METTL25: variants seen among roughly 807,000 people sequenced by gnomAD.
The protein encoded by METTL25 is methyltransferase like 25.
In METTL25, 64 loss-of-function variants were observed where a neutral mutation model predicts 71.6. The ratio of observed to expected loss-of-function variants is 0.89; its 90% CI spans 0.73 to 1.10. METTL25 has a LOEUF of 1.10. METTL25 is among the 50% of genes least tolerant of loss of function. The pLI is 0.00. For missense variants in METTL25, 807 were observed against 707.0 expected (o/e 1.14, Z -1.60); for synonymous variants, 287 against 250.3 (o/e 1.15, Z -1.38).
intron 11 of METTL25, 31 bp from the exon 12 acceptor site, chr12:82,478,900 GT>G (rs774073189): frequency 1.9e-6 from 3 of 1,549,632 alleles, no homozygotes; most frequent in Non-Finnish European, 2.7e-6. Flanking sequence ...TCAACAAATG[GT>G]TGTATATCTA....
At chr12:82,371,449 G>T (rs1250003474) in intron 1 of METTL25, among the ~76,000 whole-genome samples, 1 of 152,138 alleles carries the variant, frequency 6.6e-6, no homozygotes, top group African/African-American at 2.4e-5. Flanking sequence ...AAATGTCCTT[G>T]TAAACCACAC....
intron 8 of METTL25, among the ~76,000 whole-genome samples, chr12:82,444,743 T>C (rs1232278689): frequency 6.6e-6 from 1 of 151,728 alleles, no homozygotes; most frequent in Non-Finnish European, 1.5e-5. Flanking sequence ...TGAAAGTAAA[T>C]TGACAAAATT....
intron 1 of METTL25, among the ~76,000 whole-genome samples, chr12:82,362,424 G>T (rs760031142): frequency 2.0e-5 from 3 of 152,118 alleles, no homozygotes; most frequent in Non-Finnish European, 4.4e-5. Flanking sequence ...CTGCCTGATG[G>T]GATACTGTGA....
At chr12:82,367,562 A>G (rs1394950488) in intron 1 of METTL25, among the ~76,000 whole-genome samples, 2 of 152,170 alleles carry the variant, frequency 1.3e-5, no homozygotes, top group Admixed American at 6.5e-5. Flanking sequence ...CCCATAGAAA[A>G]TAGTTCAGTG....
intron 1 of METTL25, among the ~76,000 whole-genome samples, chr12:82,364,176 A>C (rs28626834): frequency 4.6e-5 from 7 of 152,300 alleles, no homozygotes; most frequent in East Asian, 1.9e-4. Flanking sequence ...TGGGATCTTA[A>C]GAGGTCACAG....
At chr12:82,384,023 TG>T (rs542454707) in intron 1 of METTL25, among the ~76,000 whole-genome samples, 367 of 152,200 alleles carry the variant, frequency 2.4e-3, no homozygotes, top group Middle Eastern at 6.8e-3. Context: ...ACTAGTGGTA[TG>T]GGGTACATAA....
intron 1 of METTL25, among the ~76,000 whole-genome samples, chr12:82,366,172 G>T (rs1055160719): frequency 6.6e-6 from 1 of 152,166 alleles, no homozygotes; most frequent in Non-Finnish European, 1.5e-5. Flanking sequence ...CCTAACAAAT[G>T]AGTGTTACAG....
intron 1 of METTL25, among the ~76,000 whole-genome samples, chr12:82,368,068 C>G (rs923412044): frequency 7.9e-5 from 12 of 151,894 alleles, no homozygotes; most frequent in Non-Finnish European, 1.5e-4. Flanking sequence ...TAAATAATAG[C>G]CACCTTCTTC....
At chr12:82,449,693 AT>A in intron 8 of METTL25, among the ~76,000 whole-genome samples, 1 of 152,244 alleles carries the variant, frequency 6.6e-6, no homozygotes, top group East Asian at 1.9e-4. Flanking sequence ...AATACAATTA[AT>A]TGTATTTCTA....
chr12:82,413,996 A>G (rs1282733087), intron 5 of METTL25, among the ~76,000 whole-genome samples: 1 of 151,350 alleles, frequency 6.6e-6, no homozygotes, highest in Non-Finnish European at 1.5e-5. Context: ...GTATATATAT[A>G]TATTTTTTCT....
chr12:82,382,782 G>A (rs906171650), intron 1 of METTL25, among the ~76,000 whole-genome samples: 2 of 151,814 alleles, frequency 1.3e-5, no homozygotes, highest in Admixed American at 6.6e-5. Context: ...GTGTCATGAT[G>A]AGGGTTCACT....
At chr12:82,367,050 A>G (rs2136826472) in intron 1 of METTL25, among the ~76,000 whole-genome samples, 1 of 152,216 alleles carries the variant, frequency 6.6e-6, no homozygotes, top group South Asian at 2.1e-4. Context: ...CCTTTTAAAT[A>G]AAACTATTTA....
At chr12:82,380,266 C>T (rs1884301809) in intron 1 of METTL25, among the ~76,000 whole-genome samples, 1 of 152,098 alleles carries the variant, frequency 6.6e-6, no homozygotes, top group East Asian at 1.9e-4. Context: ...ATAATGACCT[C>T]CAGCTCCATC....
At chr12:82,419,387 C>T (rs1327818058) in intron 5 of METTL25, among the ~76,000 whole-genome samples, 1 of 152,052 alleles carries the variant, frequency 6.6e-6, no homozygotes. Flanking sequence ...ACATCAGTTG[C>T]CTGCTTTTCA....
At chr12:82,472,861 G>A (rs921962055) in intron 9 of METTL25, among the ~76,000 whole-genome samples, 7 of 152,012 alleles carry the variant, frequency 4.6e-5, no homozygotes, top group African/African-American at 1.7e-4. Context: ...GTGTTCCTTC[G>A]GAGGTATCAT....
In METTL25 at chr12:82,438,722, C is replaced by T. The variant is rs1267059558; in HGVS notation, c.1409C>T (p.Pro470Leu). The T allele has an allele frequency of 1.4e-6, 2 of 1,472,998 alleles. No individual in the cohort carries two copies. Among genetic ancestry groups the T allele is most frequent in the Non-Finnish European group, 1.8e-6 (2 of 1,105,984 alleles). 91.2% of individuals were successfully genotyped at this position (1,472,998 alleles called of 1,614,324 possible). Reference protein sequence around the residue: ...LERVAAGQGLPTESLFYRAVL... With the variant: ...LERVAAGQGLLTESLFYRAVL... ...ATATGTCTACATTTTTTTCAGCTGC[C>T]TACTGAATCACTCTTCTATCGTGCT... Residue 470 changes from proline (P) to leucine (L), a missense_variant, in exon 8 of 12, where the codon CCT becomes CTT. Transcript: ENST00000248306.
intron 8 of METTL25, among the ~76,000 whole-genome samples, chr12:82,443,070 A>T (rs768596089): frequency 6.6e-6 from 1 of 152,118 alleles, no homozygotes; most frequent in East Asian, 1.9e-4. Flanking sequence ...TACAGGGAAT[A>T]GGTTTCATGT....
chr12:82,449,425 C>T (rs577256649), intron 8 of METTL25, among the ~76,000 whole-genome samples: 117 of 152,278 alleles, frequency 7.7e-4, no homozygotes, highest in East Asian at 2.1e-3. Context: ...CGTCCTGGCA[C>T]GCCAGATTAT....
chr12:82,364,195 T>TTGGC (rs1220687598), intron 1 of METTL25, among the ~76,000 whole-genome samples: 1 of 152,212 alleles, frequency 6.6e-6, no homozygotes, highest in African/African-American at 2.4e-5. Context: ...AGTCAAGAAG[T>TTGGC]TGGCTGGGGC....
Sources: allele counts gnomAD v4.1 joint callset (sites outside exome capture counted in the v4.1 genomes callset), GRCh38; gene constraint gnomAD v4.1.1; transcripts MANE v1.5; gene names NCBI Gene and HGNC (gene_info 2026-07-23, HGNC 2026-07-21).